Variants in ITGB4 observed in about 807,000 individuals in gnomAD.
ITGB4 encodes the protein integrin beta-4.
Under a neutral mutation model 207.6 loss-of-function variants are expected in ITGB4, and 159 were observed. That is an observed-to-expected ratio of 0.77 (90% confidence interval 0.67 to 0.87). The LOEUF (loss-of-function observed/expected upper bound fraction) is 0.87. ITGB4 is among the 40% of genes least tolerant of loss of function. ITGB4 has a pLI of 0.00. For missense variants in ITGB4, 2,278 were observed against 2,546.8 expected (o/e 0.89, Z 2.27); for synonymous variants, 1,020 against 1,062.7 (o/e 0.96, Z 0.78).
In ITGB4 at chr17:75,742,352, C is replaced by T. The variant is rs753528501; in HGVS notation, c.2645C>T (p.Thr882Ile). 1 of 1,613,436 alleles carries T rather than the reference C, an allele frequency of 6.2e-7. No homozygotes were observed. Among genetic ancestry groups the T allele is most frequent in the Middle Eastern group, 1.6e-4 (1 of 6,062 alleles). The change falls in exon 24 of 40, where the codon ACC becomes ATC. Residue 882 changes from threonine to isoleucine, a missense_variant. Coordinates refer to ENST00000200181, the MANE Select transcript of ITGB4 (RefSeq NM_000213.5). The surrounding 1 kb of genome is among the most constrained non-coding windows in gnomAD (Gnocchi z 5.9). ...CACCCTCGACCCAGGCAAGACCACACCATTGTGGACACAGTGCTGATGGCG... is the reference window on the plus strand; with the variant it reads ...CACCCTCGACCCAGGCAAGACCACATCATTGTGGACACAGTGCTGATGGCG... ...QPNAGKKQDHTIVDTVLMAPR... is the reference protein window; with the variant it reads ...QPNAGKKQDHIIVDTVLMAPR...
intron 34 of ITGB4, chr17:75,755,057 C>T: frequency 6.3e-6 from 10 of 1,597,384 alleles, no homozygotes; most frequent in Non-Finnish European, 8.5e-6. Context: ...TGCCCTAGGC[C>T]TCCCTCCCAT....
chr17:75,756,829 C>A lies in ITGB4; in HGVS notation c.5023C>A (p.Leu1675Met), dbSNP rs1162837029. 6.2e-7 allele frequency: 1 copy of A among 1,612,438 alleles called. No homozygotes were observed. Among genetic ancestry groups the A allele is most frequent in the South Asian group, 1.1e-5 (1 of 91,058 alleles). ...GCCCAATGGGGATATCGTCGGCTACCTGGTGACCTGTGAGATGGCCCAAGG... is the reference window on the plus strand; with the variant it reads ...GCCCAATGGGGATATCGTCGGCTACATGGTGACCTGTGAGATGGCCCAAGG... ...RRPNGDIVGYLVTCEMAQGGG... is the reference protein window; with the variant it reads ...RRPNGDIVGYMVTCEMAQGGG... The change falls in exon 37 of 40, where the codon CTG (leucine) becomes ATG (methionine). Residue 1675 changes from leucine to methionine, a missense_variant. By Grantham distance (15) the Leu-to-Met change is conservative. Coordinates refer to ENST00000200181, the MANE Select transcript of ITGB4 (RefSeq NM_000213.5).
chr17:75,728,280 C>T, intron 5 of ITGB4, 97 bp from the exon 6 acceptor site: 1 of 951,918 alleles, frequency 1.1e-6, no homozygotes. Flanking sequence ...CGTTAACCTC[C>T]CTCTTCCTCC....
In ITGB4 at chr17:75,751,021, G is replaced by A. The variant is rs1216859817; in HGVS notation, c.3703G>A (p.Val1235Met). Residue 1235 changes from valine to methionine, a missense_variant, in exon 30 of 40, where the codon GTG (valine) becomes ATG (methionine). Val to Met is a conservative substitution (Grantham distance 21). Coordinates refer to ENST00000200181, the MANE Select transcript of ITGB4 (RefSeq NM_000213.5). ...GGCCTTCAATGTCGTCTCCTCCACG[G>A]TGACCCAGCTGAGCTGGGCTGAGCC... ...RLAFNVVSST[V>M]TQLSWAEPAE... 2 of 1,613,870 alleles carry A rather than the reference G, an allele frequency of 1.2e-6. No homozygotes were observed. The highest frequency in any genetic ancestry group is 1.7e-6 in the Non-Finnish European group (2 of 1,180,026).
In ITGB4 at chr17:75,757,567, C is replaced by T. The variant is rs1438679453; in HGVS notation, c.*12C>T. ...TCTTCCAAACTTGACCGCACCCTGC[C>T]CCACCCCCGCCACGTCCCACTAGGC... is the stretch of plus-strand genomic sequence containing the variant. On this transcript the variant is annotated 3_prime_UTR_variant, in exon 40 of 40. Transcript: ENST00000200181. 2 of 1,613,030 alleles carry T rather than the reference C, an allele frequency of 1.2e-6. No individual in the cohort carries two copies. Among genetic ancestry groups the T allele is most frequent in the Admixed American group, 1.7e-5 (1 of 59,972 alleles).
At chr17:75,754,957 C>CAG (rs201686139) in intron 34 of ITGB4, 142 bp downstream of exon 34, 1 of 1,451,506 alleles carries the variant, frequency 6.9e-7, no homozygotes, top group Non-Finnish European at 9.3e-7. Context: ...CACACACGTG[C>CAG]ACACGCATGC....
At chr17:75,728,718 T>C (rs867652475) in intron 6 of ITGB4, among the ~76,000 whole-genome samples, 52 of 151,974 alleles carry the variant, frequency 3.4e-4, no homozygotes, top group Middle Eastern at 3.4e-3. Context: ...GGCGCGGTGG[T>C]TCACGCCTGT....
intron 13 of ITGB4, 21 bp from the exon 14 acceptor site, chr17:75,736,030 C>T: frequency 1.2e-6 from 2 of 1,611,434 alleles, no homozygotes; most frequent in Non-Finnish European, 1.7e-6. Context: ...TCTCATCTCC[C>T]TTCCTTGTCC....
chr17:75,734,993 C>A (rs554303937), intron 13 of ITGB4, among the ~76,000 whole-genome samples: 1 of 152,214 alleles, frequency 6.6e-6, no homozygotes, highest in East Asian at 1.9e-4. Flanking sequence ...CCTTGCTAAA[C>A]GCACTTATGA....
rs1568352192 is a variant in ITGB4 at position 75,732,648 on chromosome 17, CA to C, written c.1454+411del. On this transcript the variant is annotated intron_variant, in intron 12 of 39. Transcript: ENST00000200181. The surrounding 1 kb of genome is among the most constrained non-coding windows in gnomAD (Gnocchi z 5.3). The stretch of plus-strand genomic sequence containing the variant: ...TTCAGGACACTGGGCGAGCTTGCCA[CA>C]ACTTGAGGCAGAGCAGTGGGGAAAG... Among the ~76,000 whole-genome samples the C allele has an allele frequency of 1.3e-5, 2 of 152,130 alleles. No individual in the cohort carries two copies. The highest frequency in any genetic ancestry group is 4.8e-5 in the African/African-American group (2 of 41,404).
chr17:75,724,113 C>T (rs1218995334), intron 1 of ITGB4, among the ~76,000 whole-genome samples: 1 of 152,190 alleles, frequency 6.6e-6, no homozygotes, highest in Non-Finnish European at 1.5e-5. Context: ...ATGATTCAGA[C>T]CCCACCCTGA....
In ITGB4 at chr17:75,750,866, G is replaced by A; in HGVS notation, c.3655+6G>A. On this transcript the variant is annotated splice_donor_region_variant and intron_variant, in intron 29 of 39. Coordinates refer to ENST00000200181, the MANE Select transcript of ITGB4 (RefSeq NM_000213.5). This position sits in a 1 kb window ranked among gnomAD's most constrained non-coding sequence, Gnocchi z 5.5. ...CTGCCGCACCCACCAGGAAGGTGAG[G>A]CCTCGCCATGTCTGTCCATTTGTCC... is the stretch of plus-strand genomic sequence containing the variant. The A allele has an allele frequency of 6.2e-7, 1 of 1,613,360 alleles. No homozygotes were observed. The highest frequency in any genetic ancestry group is 8.5e-7 in the Non-Finnish European group (1 of 1,180,008).
In ITGB4 at chr17:75,753,913, C is replaced by T. The variant is rs2061427081; in HGVS notation, c.4257C>T (p.Asp1419=). 7.8e-6 allele frequency: 10 copies of T among 1,287,096 alleles called. No individual in the cohort carries two copies. The highest frequency in any genetic ancestry group is 3.2e-5 in the East Asian group (1 of 31,692). 79.7% of individuals were successfully genotyped at this position (1,287,096 alleles called of 1,614,324 possible). A position where few individuals can be genotyped will look rare whatever the true frequency, so the allele number is the denominator to read the frequency against. Residue 1419 remains aspartate, a synonymous_variant, in exon 33 of 40, where the codon GAC becomes GAT. Coordinates refer to ENST00000200181, the MANE Select transcript of ITGB4 (RefSeq NM_000213.5). Reference sequence around the variant, plus strand: ...AGGCGCCCCACGGGCCCCCGGACGACGGCGGCGCGGGCGGGAAGGGCGGCA... The same window carrying T: ...AGGCGCCCCACGGGCCCCCGGACGATGGCGGCGCGGGCGGGAAGGGCGGCA... ...DAEAPHGPPD[D]GGAGGKGGSL...
chr17:75,740,707 G>A lies in ITGB4; in HGVS notation c.2551-86G>A. On this transcript the variant is annotated intron_variant, in intron 21 of 39. Coordinates refer to ENST00000200181, the MANE Select transcript of ITGB4 (RefSeq NM_000213.5). This position sits in a 1 kb window ranked among gnomAD's most constrained non-coding sequence, Gnocchi z 5.9. ...AACCCTGAGGATCTCTGGGTACAGA[G>A]GCTGCCTGGCTCCCTGGGTCCCCAG... is the stretch of plus-strand genomic sequence containing the variant. 6.9e-7 allele frequency: 1 copy of A among 1,453,884 alleles called. No individual in the cohort carries two copies. The highest frequency in any genetic ancestry group is 1.1e-5 in the South Asian group (1 of 87,558). 90.1% of individuals were successfully genotyped at this position (1,453,884 alleles called of 1,614,324 possible). A position where few individuals can be genotyped will look rare whatever the true frequency, so the allele number is the denominator to read the frequency against.
chr17:75,724,609 T>A (rs1392488635), intron 1 of ITGB4, 85 bp from the exon 2 acceptor site: 5 of 1,053,406 alleles, frequency 4.7e-6, no homozygotes, highest in Non-Finnish European at 7.4e-6. Context: ...AGAGCCTCAG[T>A]TCCCACAGCT....
rs1192622928 is a variant in ITGB4, at chr17:75,756,767, C to A, written c.4961C>A (p.Pro1654Gln). 1 of 1,612,986 alleles carries A rather than the reference C, an allele frequency of 6.2e-7. No homozygotes were observed. The highest frequency in any genetic ancestry group is 1.1e-5 in the South Asian group (1 of 91,062). The stretch of plus-strand genomic sequence containing the variant: ...CCGCTGGTGTTCACTGCCCTGAGCC[C>A]AGACTCGCTGCAGCTGAGCTGGGAG... The part of the protein sequence containing the change: ...PGPLVFTALS[P>Q]DSLQLSWERP... Residue 1654 changes from proline to glutamine, a missense_variant, in exon 37 of 40, where the codon CCA becomes CAA. Pro to Gln is a moderately conservative substitution (Grantham distance 76). Transcript: ENST00000200181.
chr17:75,747,075 G>A (rs564946060), intron 26 of ITGB4, among the ~76,000 whole-genome samples: 3 of 151,930 alleles, frequency 2.0e-5, no homozygotes, highest in East Asian at 1.9e-4. Context: ...TAGATTCACC[G>A]ATTGCTAATA....
chr17:75,732,232 G>C lies in ITGB4; in HGVS notation c.1447G>C (p.Glu483Gln). 6.2e-7 allele frequency: 1 copy of C among 1,613,966 alleles called. No homozygotes were observed. Among genetic ancestry groups the C allele is most frequent in the Non-Finnish European group, 8.5e-7 (1 of 1,180,008 alleles). The part of the protein sequence containing the change: ...DFVCGQCVCS[E>Q]GWSGQTCNCS... ...CGTGTGCGGACAGTGTGTGTGCAGC[G>C]AGGGCTGGTGAGTGGGGAAGGGAGT... Residue 483 changes from glutamate to glutamine, a missense_variant, in exon 12 of 40, where the codon GAG becomes CAG. By Grantham distance (29) the Glu-to-Gln change is conservative. Transcript: ENST00000200181. The surrounding 1 kb of genome is among the most constrained non-coding windows in gnomAD (Gnocchi z 5.3).
rs55981241 is a variant in ITGB4 at position 75,722,757 on chromosome 17, C to CTGTGTGTGTGTGTGTGTG, written c.-11+1163_-11+1180dup. On this transcript the variant is annotated intron_variant, in intron 1 of 39. Coordinates refer to ENST00000200181, the MANE Select transcript of ITGB4 (RefSeq NM_000213.5). The surrounding 1 kb of genome is among the most constrained non-coding windows in gnomAD (Gnocchi z 6.2). ...GAGCCTGTGGGTGGGTGGGCATGGC[C>CTGTGTGTGTGTGTGTGTG]TGTGTGTGTGTGTGTGTGTGTGTGT... Among the ~76,000 whole-genome samples, 1 of 135,062 alleles carries CTGTGTGTGTGTGTGTGTG rather than the reference C, an allele frequency of 7.4e-6. No individual in the cohort carries two copies. Among genetic ancestry groups the CTGTGTGTGTGTGTGTGTG allele is most frequent in the South Asian group, 2.6e-4 (1 of 3,826 alleles). 88.6% of individuals were successfully genotyped at this position (135,062 alleles called of 152,430 possible).
Sources: gnomAD v4.1 joint callset for allele counts (sites outside exome capture counted in the v4.1 genomes callset) on GRCh38, gnomAD v4.1.1 for gene constraint, Gnocchi (gnomAD v3.1) non-coding constraint, MANE v1.5 for transcripts, NCBI Gene and HGNC (gene_info 2026-07-23, HGNC 2026-07-21) for gene names.